The following SLC24A2 variants were observed in gnomAD, a reference collection of about 807,000 sequenced individuals.
SLC24A2 encodes the protein solute carrier family 24 member 2, also known as sodium/potassium/calcium exchanger 2.
In SLC24A2, 36 loss-of-function variants were observed where a neutral mutation model predicts 62.0. The observed-to-expected ratio is 0.58, with a 90% CI of 0.44 to 0.77. SLC24A2 has a LOEUF of 0.77. Ranked by LOEUF, SLC24A2 falls within the 30% of genes least tolerant of loss-of-function variation. SLC24A2 has a pLI of 0.00. For missense variants in SLC24A2, 846 were observed against 817.9 expected, an observed-to-expected ratio of 1.03 and a Z score of -0.42; for synonymous variants, 358 against 294.0, an observed-to-expected ratio of 1.22 and a Z score of -2.23.
Position 19,548,175 on chromosome 9 carries a change from C to T in SLC24A2, c.1479+1962G>A, listed in dbSNP as rs750328923. 1.2e-4 allele frequency among the ~76,000 whole-genome samples: 18 copies of T among 150,142 alleles called. 1 individual carries two copies. Among genetic ancestry groups the T allele is most frequent in the Non-Finnish European group, 1.9e-4 (13 of 68,008 alleles). On this transcript the variant is annotated intron_variant, in intron 8 of 10. Coordinates refer to ENST00000341998, the MANE Select transcript of SLC24A2 (RefSeq NM_020344.4). ...TAATGGGATGGGGTTTTTCTTCTGT[C>T]TTTTTCAAATGAAGGAGCTCTTGAA...
chr9:20,241,893 T>G, the SLC24A2 span, among the ~76,000 whole-genome samples: 2 of 152,216 alleles, frequency 1.3e-5, no homozygotes, highest in African/African-American at 2.4e-5. Context: ...ATCGCCACCT[T>G]GTTTCACTTC....
the SLC24A2 span, among the ~76,000 whole-genome samples, chr9:20,149,719 T>A: frequency 6.6e-6 from 1 of 151,992 alleles, no homozygotes; most frequent in Admixed American, 6.6e-5. Flanking sequence ...TTTAAAAATG[T>A]AAAAAACACT....
the SLC24A2 span, among the ~76,000 whole-genome samples, chr9:19,835,472 A>G: frequency 1.3e-3 from 193 of 152,320 alleles, 2 homozygotes; most frequent in African/African-American, 4.5e-3. Context: ...ATCAAAAGAG[A>G]CAAAGAAGGC....
At chr9:20,113,651 A>AT in the SLC24A2 span, among the ~76,000 whole-genome samples, 2 of 151,878 alleles carry the variant, frequency 1.3e-5, no homozygotes, top group East Asian at 1.9e-4. Context: ...CTTTCAAGTC[A>AT]TTTTTTTTCT....
At chr9:19,771,033 T>G (rs1822670242) in intron 2 of SLC24A2, among the ~76,000 whole-genome samples, 1 of 152,190 alleles carries the variant, frequency 6.6e-6, no homozygotes, top group Admixed American at 6.5e-5. Context: ...TAAGCAATGT[T>G]TTATTAAAAA....
chr9:20,045,326 G>A, the SLC24A2 span, among the ~76,000 whole-genome samples: 1 of 152,130 alleles, frequency 6.6e-6, no homozygotes, highest in Non-Finnish European at 1.5e-5. Context: ...GATCTACTAG[G>A]TGGGGAGTCT....
chr9:20,014,526 A>T, the SLC24A2 span, among the ~76,000 whole-genome samples: 1 of 151,456 alleles, frequency 6.6e-6, no homozygotes, highest in African/African-American at 2.4e-5. Context: ...ATACACACAC[A>T]CACAATGGAA....
chr9:19,934,508 A>AC, the SLC24A2 span, among the ~76,000 whole-genome samples: 1 of 151,338 alleles, frequency 6.6e-6, no homozygotes, highest in Non-Finnish European at 1.5e-5. This position sits in a 1 kb window ranked among gnomAD's most constrained non-coding sequence, Gnocchi z 4.1. Flanking sequence ...GTCCCCGCGC[A>AC]CCCCCGTTCC....
intron 2 of SLC24A2, among the ~76,000 whole-genome samples, chr9:19,624,625 T>G (rs1037479731): frequency 3.2e-4 from 48 of 152,304 alleles, no homozygotes; most frequent in Middle Eastern, 3.4e-3. Flanking sequence ...AATATCCCAC[T>G]GTTTAATGTC....
At chr9:19,868,995 T>C in the SLC24A2 span, among the ~76,000 whole-genome samples, 1 of 152,186 alleles carries the variant, frequency 6.6e-6, no homozygotes, top group African/African-American at 2.4e-5. Flanking sequence ...TTTTTTGTTG[T>C]TGTTGAGACA....
the SLC24A2 span, among the ~76,000 whole-genome samples, chr9:19,953,581 C>T: frequency 2.6e-5 from 4 of 151,886 alleles, no homozygotes; most frequent in Non-Finnish European, 5.9e-5. Context: ...CTCAAGGCAC[C>T]TCAGATCAAA....
chr9:19,615,589 A>G lies in SLC24A2; in HGVS notation c.1078+3995T>C, dbSNP rs12115737. Among the ~76,000 whole-genome samples, 1,359 of 152,300 alleles carry G rather than the reference A, an allele frequency of 8.9e-3. 22 individuals are homozygous for G. The highest frequency in any genetic ancestry group is 0.031 in the African/African-American group (1,276 of 41,552). ...GCCTGCTATGGAGCAATTTTAAAGCATTGAAGTGCTTTCCATATTTTCTAA... is the reference window on the plus strand; with the variant it reads ...GCCTGCTATGGAGCAATTTTAAAGCGTTGAAGTGCTTTCCATATTTTCTAA... On this transcript the variant is annotated intron_variant, in intron 4 of 10. Transcript: ENST00000341998.
chr9:19,939,365 T>A, the SLC24A2 span, among the ~76,000 whole-genome samples: 1 of 152,210 alleles, frequency 6.6e-6, no homozygotes, highest in African/African-American at 2.4e-5. Flanking sequence ...AGGCTATGAA[T>A]CTGTACAGCA....
chr9:19,876,363 GGCGT>G, the SLC24A2 span, among the ~76,000 whole-genome samples: 1 of 114,660 alleles, frequency 8.7e-6, no homozygotes, highest in African/African-American at 3.3e-5. Context: ...GTTTATTGAA[GGCGT>G]GTGTGTGTGT....
chr9:20,051,657 C>CTCTTTTTTTTTTTTT, the SLC24A2 span, among the ~76,000 whole-genome samples: 7 of 73,506 alleles, frequency 9.5e-5, no homozygotes, highest in African/African-American at 2.4e-4. Flanking sequence ...TTTTCTTTCT[C>CTCTTTTTTTTTTTTT]TTTTTTTTTT....
intron 8 of SLC24A2, among the ~76,000 whole-genome samples, chr9:19,529,505 G>A (rs988351181): frequency 3.3e-5 from 5 of 151,966 alleles, no homozygotes; most frequent in African/African-American, 7.3e-5. Flanking sequence ...TTGCTGTTTT[G>A]TGGGGCCGTT....
chr9:19,852,735 A>G, the SLC24A2 span, among the ~76,000 whole-genome samples: 4 of 151,404 alleles, frequency 2.6e-5, no homozygotes, highest in Non-Finnish European at 4.4e-5. Flanking sequence ...TGGTAGTACA[A>G]TGAGGTGAAG....
the SLC24A2 span, among the ~76,000 whole-genome samples, chr9:20,216,735 C>T: frequency 1.3e-5 from 2 of 152,124 alleles, no homozygotes; most frequent in East Asian, 1.9e-4. Context: ...TGAACAAATG[C>T]TTCTCAATGA....
At chr9:19,940,765 G>A in the SLC24A2 span, among the ~76,000 whole-genome samples, 1 of 152,218 alleles carries the variant, frequency 6.6e-6, no homozygotes, top group Non-Finnish European at 1.5e-5. Flanking sequence ...GGCCTACAAT[G>A]CCTGCTCCCA....
Sources: allele counts gnomAD v4.1 joint callset (sites outside exome capture counted in the v4.1 genomes callset), GRCh38; gene constraint gnomAD v4.1.1; non-coding constraint Gnocchi (gnomAD v3.1); transcripts MANE v1.5; gene names NCBI Gene and HGNC (gene_info 2026-07-23, HGNC 2026-07-21).